ASTN2: variants seen among roughly 807,000 people sequenced by gnomAD.
ASTN2 encodes astrotactin 2.
In ASTN2, 54 loss-of-function variants were observed where a neutral mutation model predicts 139.8. That is an observed-to-expected ratio of 0.39 (90% CI 0.31 to 0.48). The LOEUF (loss-of-function observed/expected upper bound fraction) is 0.48. Ranked by LOEUF, ASTN2 falls within the 20% of genes least tolerant of loss-of-function variation. ASTN2 has a pLI of 0.95. For synonymous variants in ASTN2, 756 were observed against 719.5 expected (o/e 1.05, Z -0.81); for missense variants, 1,565 against 1,725.1 (o/e 0.91, Z 1.64).
intron 7 of ASTN2, among the ~76,000 whole-genome samples, chr9:116,981,217 T>A (rs142350132): frequency 6.6e-6 from 1 of 152,350 alleles, no homozygotes; most frequent in Admixed American, 6.5e-5. Context: ...AATCATCCTG[T>A]ATTCTAATAA....
At chr9:117,116,269 T>A (rs1285100659) in intron 4 of ASTN2, among the ~76,000 whole-genome samples, 3 of 152,104 alleles carry the variant, frequency 2.0e-5, no homozygotes, top group Non-Finnish European at 2.9e-5. Context: ...GGAAAGATGA[T>A]CACACACAAG....
intron 10 of ASTN2, among the ~76,000 whole-genome samples, chr9:116,872,346 T>C (rs1833188886): frequency 6.6e-6 from 1 of 152,186 alleles, no homozygotes; most frequent in African/African-American, 2.4e-5. Flanking sequence ...ACACAGTAAG[T>C]GCCTAACAGC....
chr9:117,389,706 C>T (rs566136437), intron 1 of ASTN2, among the ~76,000 whole-genome samples: 2 of 152,162 alleles, frequency 1.3e-5, no homozygotes, highest in African/African-American at 4.8e-5. Flanking sequence ...GTACTGAGTA[C>T]TAATTGTGAA....
At chr9:117,361,508 A>G (rs538417059) in intron 1 of ASTN2, among the ~76,000 whole-genome samples, 1 of 152,286 alleles carries the variant, frequency 6.6e-6, no homozygotes, top group South Asian at 2.1e-4. Context: ...AGTAAAACAA[A>G]ACTGCATAGG....
intron 11 of ASTN2, among the ~76,000 whole-genome samples, chr9:116,844,016 T>C (rs768196994): frequency 1.3e-5 from 2 of 152,156 alleles, no homozygotes; most frequent in Non-Finnish European, 2.9e-5. Flanking sequence ...AGCAGAAGAA[T>C]GCTGAGGAGA....
rs12001099 is a variant in ASTN2, at chr9:117,047,252, G to A, written c.1277-7287C>T. Among the ~76,000 whole-genome samples, 5 of 152,096 alleles carry A rather than the reference G, an allele frequency of 3.3e-5. No individual in the cohort carries two copies. In the South Asian group the frequency reaches 8.3e-4, roughly 25 times the overall value. ...GGGTATATGGCCCCATATCCTCAGC[G>A]TGTCTCTTATATCAGGGGTTTCCAT... On this transcript the variant is annotated intron_variant, in intron 5 of 22. Transcript: ENST00000313400.
At chr9:116,539,377 G>T (rs1397433238) in intron 19 of ASTN2, among the ~76,000 whole-genome samples, 1 of 144,858 alleles carries the variant, frequency 6.9e-6, no homozygotes, top group Non-Finnish European at 1.5e-5. Context: ...AAAAATCTAT[G>T]AGGGAGGGAA....
intron 12 of ASTN2, among the ~76,000 whole-genome samples, chr9:116,814,825 G>A (rs975103482): frequency 6.6e-6 from 1 of 152,108 alleles, no homozygotes. Flanking sequence ...TGGAACTAAT[G>A]TTCCATACAA....
At chr9:116,884,410 T>C (rs1833535024) in intron 10 of ASTN2, among the ~76,000 whole-genome samples, 1 of 152,112 alleles carries the variant, frequency 6.6e-6, no homozygotes, top group Admixed American at 6.5e-5. Flanking sequence ...AATTAAGACA[T>C]CAGTAGAGTT....
At chr9:116,876,359 G>A (rs1361846757) in intron 10 of ASTN2, among the ~76,000 whole-genome samples, 1 of 152,194 alleles carries the variant, frequency 6.6e-6, no homozygotes, top group Non-Finnish European at 1.5e-5. Flanking sequence ...AAGAAAAGTG[G>A]TTTCTTGAGT....
chr9:117,297,978 C>T (rs930252291), intron 1 of ASTN2, among the ~76,000 whole-genome samples: 4 of 152,232 alleles, frequency 2.6e-5, no homozygotes, highest in African/African-American at 9.6e-5. Flanking sequence ...GAAAGGGGAT[C>T]TCAAGAAGTA....
At chr9:116,697,838 G>A in intron 16 of ASTN2, 1 of 1,614,192 alleles carries the variant, frequency 6.2e-7, no homozygotes. Flanking sequence ...AAGAGCAGCT[G>A]CGTCCCAAGC....
chr9:117,315,275 CTT>C (rs1828108379), intron 1 of ASTN2, among the ~76,000 whole-genome samples: 1 of 152,142 alleles, frequency 6.6e-6, no homozygotes, highest in African/African-American at 2.4e-5. Flanking sequence ...TTAAGAAGGT[CTT>C]ATGTAATTCT....
At chr9:116,472,747 T>C (rs1191039707) in intron 20 of ASTN2, among the ~76,000 whole-genome samples, 5 of 138,614 alleles carry the variant, frequency 3.6e-5, no homozygotes, top group Admixed American at 3.6e-4. Context: ...CTACTAAAAA[T>C]ACAAAAAAAA....
At chr9:116,666,454 C>T (rs753604913) in intron 16 of ASTN2, among the ~76,000 whole-genome samples, 3 of 152,122 alleles carry the variant, frequency 2.0e-5, no homozygotes, top group Non-Finnish European at 4.4e-5. Context: ...TAATGAAACT[C>T]ACATATACTT....
At chr9:116,558,584 A>G (rs561033989) in intron 19 of ASTN2, among the ~76,000 whole-genome samples, 93 of 152,334 alleles carry the variant, frequency 6.1e-4, no homozygotes, top group African/African-American at 2.1e-3. Flanking sequence ...AGTTCAACTC[A>G]GAGAAGTAGA....
At chr9:116,945,927 A>G (rs1198522535) in intron 10 of ASTN2, among the ~76,000 whole-genome samples, 3 of 152,232 alleles carry the variant, frequency 2.0e-5, no homozygotes, top group Non-Finnish European at 4.4e-5. Flanking sequence ...AACAGAGAGC[A>G]TAACTGGGAG....
chr9:116,933,565 A>G (rs1466466351), intron 10 of ASTN2, among the ~76,000 whole-genome samples: 1 of 152,162 alleles, frequency 6.6e-6, no homozygotes, highest in Non-Finnish European at 1.5e-5. Context: ...GAAAAGATGG[A>G]GAGGAAAACA....
At chr9:117,388,484 GT>G (rs1002191342) in intron 1 of ASTN2, among the ~76,000 whole-genome samples, 1 of 152,178 alleles carries the variant, frequency 6.6e-6, no homozygotes, top group Admixed American at 6.5e-5. Flanking sequence ...CTGTGTGCTG[GT>G]TATTGCTCCC....
Sources: gnomAD v4.1 joint callset for allele counts (sites outside exome capture counted in the v4.1 genomes callset) on GRCh38, gnomAD v4.1.1 for gene constraint, MANE v1.5 for transcripts, NCBI Gene and HGNC (gene_info 2026-07-23, HGNC 2026-07-21) for gene names.